NRXN3: variants seen among roughly 807,000 people sequenced by gnomAD.
NRXN3 encodes neurexin III.
In NRXN3, 32 loss-of-function variants were observed where a neutral mutation model predicts 137.6. The observed-to-expected ratio is 0.23, with a 90% CI of 0.18 to 0.31. The LOEUF (loss-of-function observed/expected upper bound fraction) is 0.31, where lower values mean the gene tolerates loss of function less well. Among genes scored for constraint, NRXN3 ranks in the 10% least tolerant of loss-of-function variants. NRXN3 has a pLI of 1.00. For synonymous variants in NRXN3, 798 were observed against 784.5 expected (o/e 1.02, Z -0.29); for missense variants, 1,574 against 2,062.5 (o/e 0.76, Z 4.59).
intron 19 of NRXN3, among the ~76,000 whole-genome samples, chr14:79,735,976 C>A (rs1156919419): frequency 6.6e-6 from 1 of 152,176 alleles, no homozygotes; most frequent in Non-Finnish European, 1.5e-5. Flanking sequence ...ACCACCCTTA[C>A]TTCTTTTTGG....
chr14:79,625,566 A>C (rs183039438), intron 16 of NRXN3, among the ~76,000 whole-genome samples: 80 of 152,152 alleles, frequency 5.3e-4, no homozygotes, highest in African/African-American at 1.7e-3. Flanking sequence ...TTATATTCCC[A>C]CTAACAGTGT....
intron 16 of NRXN3, chr14:79,570,611 T>G (rs1424308554): frequency 1.3e-5 from 2 of 152,222 alleles, no homozygotes; most frequent in East Asian, 1.9e-4. Context: ...ATCCTTGTGA[T>G]ATGGAATGAG....
At chr14:79,349,953 C>A (rs1468101056) in intron 15 of NRXN3, among the ~76,000 whole-genome samples, 1 of 152,126 alleles carries the variant, frequency 6.6e-6, no homozygotes, top group Non-Finnish European at 1.5e-5. Flanking sequence ...AACTGGGTGG[C>A]AATAAGTTTC....
intron 15 of NRXN3, among the ~76,000 whole-genome samples, chr14:79,173,374 C>T (rs2061976404): frequency 6.6e-6 from 1 of 151,348 alleles, no homozygotes; most frequent in Non-Finnish European, 1.5e-5. Flanking sequence ...TACACAGGCA[C>T]ACACGCACAT....
At chr14:78,739,013 T>C (rs936272117) in intron 8 of NRXN3, among the ~76,000 whole-genome samples, 2 of 152,190 alleles carry the variant, frequency 1.3e-5, no homozygotes, top group African/African-American at 4.8e-5. Context: ...ACTGTCTCTG[T>C]CTCTGTCCCA....
At position 79,774,434 on chromosome 14, in the gene NRXN3, T is replaced by C. The variant is rs1768981636; in HGVS notation, c.4015-30678T>C. Among the ~76,000 whole-genome samples the C allele has an allele frequency of 1.3e-5, 2 of 152,190 alleles. 1 individual carries two copies. The highest frequency in any genetic ancestry group is 2.9e-5 in the Non-Finnish European group (2 of 68,030). ...TTCCCTCTCATTTCTATATAATAAG[T>C]ACTTTACGGCTTTGTGTTTTCATGC... On this transcript the variant is annotated intron_variant, in intron 19 of 20. Coordinates refer to ENST00000335750, the MANE Select transcript of NRXN3 (RefSeq NM_001330195.2).
At chr14:78,219,949 G>T (rs534203395) in intron 1 of NRXN3, among the ~76,000 whole-genome samples, 2 of 152,112 alleles carry the variant, frequency 1.3e-5, no homozygotes, top group South Asian at 2.1e-4. Flanking sequence ...GGGAAGAGGG[G>T]TATAGAAGAG....
In NRXN3 at chr14:79,299,658, C is replaced by G. The variant is rs185491417; in HGVS notation, c.3263-167563C>G. Among the ~76,000 whole-genome samples the G allele has an allele frequency of 1.4e-4, 21 of 152,176 alleles. No individual in the cohort carries two copies. In the East Asian group the frequency reaches 3.7e-3, roughly 27 times the overall value. ...ATACCCAAAAAACTTAGTAAAGAAT[C>G]AGGCATATTAATGAGAGTTCAGTAA... On this transcript the variant is annotated intron_variant, in intron 15 of 20. Transcript: ENST00000335750.
intron 4 of NRXN3, among the ~76,000 whole-genome samples, chr14:78,523,816 C>CAAAAAAAAAAAAAAAAAAAAA (rs56083130): frequency 5.8e-4 from 36 of 61,576 alleles, no homozygotes; most frequent in Admixed American, 7.0e-4. Context: ...GACTCTGTCT[C>CAAAAAAAAAAAAAAAAAAAAA]AAAAAAAAAA....
At chr14:79,291,560 A>C (rs1202582620) in intron 15 of NRXN3, among the ~76,000 whole-genome samples, 1 of 150,002 alleles carries the variant, frequency 6.7e-6, no homozygotes, top group Non-Finnish European at 1.5e-5. Flanking sequence ...AGGCATGGAA[A>C]GTTTGAGTCA....
Position 78,304,969 on chromosome 14 carries a change from C to T in NRXN3, c.757+7109C>T, listed in dbSNP as rs770347003. ...GTATGAACACACACACACCTGCGTG[C>T]CAGATGATTTGGTGCATGAGTCATA... On this transcript the variant is annotated intron_variant, in intron 4 of 20. Coordinates refer to ENST00000335750, the MANE Select transcript of NRXN3 (RefSeq NM_001330195.2). Among the ~76,000 whole-genome samples the T allele has an allele frequency of 6.6e-5, 10 of 152,252 alleles. No individual in the cohort carries two copies. The South Asian group carries it at 2.1e-3, about 32-fold the overall frequency.
intron 15 of NRXN3, among the ~76,000 whole-genome samples, chr14:79,116,421 C>T (rs996675838): frequency 7.9e-5 from 12 of 152,184 alleles, no homozygotes; most frequent in Admixed American, 4.6e-4. Flanking sequence ...AAAATTACTG[C>T]AGCATTTTGT....
chr14:79,415,548 C>A (rs2095484488), intron 15 of NRXN3, among the ~76,000 whole-genome samples: 1 of 151,988 alleles, frequency 6.6e-6, no homozygotes, highest in African/African-American at 2.4e-5. Context: ...CTGAAACCAA[C>A]CCCTGTGGAT....
chr14:78,844,677 T>C (rs1486680448), intron 10 of NRXN3, among the ~76,000 whole-genome samples: 1 of 152,128 alleles, frequency 6.6e-6, no homozygotes, highest in Non-Finnish European at 1.5e-5. Flanking sequence ...ATAGAACAGA[T>C]TTTAAACTAC....
chr14:79,584,577 G>A (rs2097749997), intron 16 of NRXN3, among the ~76,000 whole-genome samples: 2 of 152,258 alleles, frequency 1.3e-5, no homozygotes, highest in South Asian at 4.2e-4. Context: ...ATGGGACTTG[G>A]GACACACGCA....
At chr14:79,720,038 T>A (rs2098838742) in intron 19 of NRXN3, among the ~76,000 whole-genome samples, 1 of 152,108 alleles carries the variant, frequency 6.6e-6, no homozygotes, top group Non-Finnish European at 1.5e-5. Flanking sequence ...GGGAGTGTAT[T>A]AGTCTGTTCT....
intron 17 of NRXN3, among the ~76,000 whole-genome samples, chr14:79,690,948 T>G (rs1268004463): frequency 6.6e-6 from 1 of 152,158 alleles, no homozygotes; most frequent in African/African-American, 2.4e-5. Flanking sequence ...TCTTTCATTT[T>G]TAATATTGGT....
intron 15 of NRXN3, among the ~76,000 whole-genome samples, chr14:79,378,437 G>A (rs2094368962): frequency 6.6e-6 from 1 of 152,196 alleles, no homozygotes; most frequent in Admixed American, 6.5e-5. Flanking sequence ...GAAGAGACTG[G>A]TGGCTTTGTC....
Position 78,225,987 on chromosome 14 carries a change from GT to G in NRXN3, c.-703-16403del, listed in dbSNP as rs1567013908. ...TGTGTGTGTGTTGGTGTGTGTGTGTGTGTGTGTGTGTGTGTGTGTGTGTGTG... is the reference window on the plus strand; with the variant it reads ...TGTGTGTGTGTTGGTGTGTGTGTGTGGTGTGTGTGTGTGTGTGTGTGTGTG... On this transcript the variant is annotated intron_variant, in intron 1 of 20. Transcript: ENST00000335750. Among the ~76,000 whole-genome samples the G allele has an allele frequency of 3.7e-3, 521 of 142,372 alleles. 3 individuals carry two copies. The highest frequency in any genetic ancestry group is 0.023 in the South Asian group (101 of 4,470). The allele number at this position is 142,372 out of a possible 152,430, so 93.4% of individuals were successfully genotyped here.
Sources: allele counts gnomAD v4.1 joint callset (sites outside exome capture counted in the v4.1 genomes callset), GRCh38; gene constraint gnomAD v4.1.1; transcripts MANE v1.5; gene names NCBI Gene and HGNC (gene_info 2026-07-23, HGNC 2026-07-21).